The following PCED1B variants were observed in gnomAD, a reference collection of about 807,000 sequenced individuals.
The protein encoded by PCED1B is PC-esterase domain-containing protein 1B.
For missense variants in PCED1B, 573 were observed against 573.9 expected (o/e 1.00, Z 0.02); for synonymous variants, 251 against 246.1 (o/e 1.02, Z -0.19).
intron 3 of PCED1B, among the ~76,000 whole-genome samples, chr12:47,218,574 C>T (rs987121827): frequency 7.2e-5 from 11 of 152,180 alleles, no homozygotes; most frequent in Non-Finnish European, 1.3e-4. Context: ...GCCACAAACT[C>T]CTGGGTGCAA....
chr12:47,232,047 C>G (rs77670872), intron 3 of PCED1B, among the ~76,000 whole-genome samples: 2,552 of 152,252 alleles, frequency 0.017, 43 homozygotes, highest in South Asian at 0.028. Context: ...GCTTTTAGAG[C>G]GCAAGACCAT....
At position 47,204,591 on chromosome 12, in the gene PCED1B, G is replaced by A. The variant is rs111424169; in HGVS notation, c.-525-11631G>A. On this transcript the variant is annotated intron_variant, in intron 2 of 3. Coordinates refer to ENST00000546455, the MANE Select transcript of PCED1B (RefSeq NM_138371.3). ...CAGCCATTTAACTTTGCAACTCCTG[G>A]TCTCACTCACAGATCTCTGGGTGTT... Among the ~76,000 whole-genome samples, 38 of 152,146 alleles carry A rather than the reference G, an allele frequency of 2.5e-4. 1 individual carries two copies. Among genetic ancestry groups the A allele is most frequent in the African/African-American group, 7.2e-4 (30 of 41,516 alleles).
chr12:47,214,007 T>G lies in PCED1B; in HGVS notation c.-525-2215T>G, dbSNP rs995441088. On this transcript the variant is annotated intron_variant, in intron 2 of 3. Coordinates refer to ENST00000546455, the MANE Select transcript of PCED1B (RefSeq NM_138371.3). ...ACAGACTAGCTGAAATCTACAGAAC[T>G]AGAAAGATTTGCAATTCATTTATAG... Among the ~76,000 whole-genome samples, 3 of 152,236 alleles carry G rather than the reference T, an allele frequency of 2.0e-5. No homozygotes were observed. In the East Asian group the frequency reaches 5.8e-4, roughly 29 times the overall value.
At chr12:47,227,503 C>G (rs1486456321) in intron 3 of PCED1B, among the ~76,000 whole-genome samples, 1 of 151,952 alleles carries the variant, frequency 6.6e-6, no homozygotes, top group Non-Finnish European at 1.5e-5. Context: ...AATGCTTCTT[C>G]CCAGTCATTT....
rs757872281 is a variant in PCED1B, at chr12:47,216,301, T to G, written c.-446T>G. On this transcript the variant is annotated 5_prime_UTR_variant, in exon 3 of 4. Coordinates refer to ENST00000546455, the MANE Select transcript of PCED1B (RefSeq NM_138371.3). ...AATCAAAGGAAGAGTCAAAATAAGCTACACCCAGATTACTGAGAAAGGTGA... is the reference window on the plus strand; with the variant it reads ...AATCAAAGGAAGAGTCAAAATAAGCGACACCCAGATTACTGAGAAAGGTGA... The G allele has an allele frequency of 6.6e-6, 1 of 152,168 alleles. No homozygotes were observed. The highest frequency in any genetic ancestry group is 1.9e-4 in the East Asian group (1 of 5,204). The allele number at this position is 152,168 out of a possible 1,614,324, so 9.4% of individuals were successfully genotyped here.
chr12:47,123,358 A>G (rs970642616), intron 2 of PCED1B, among the ~76,000 whole-genome samples: 4 of 152,174 alleles, frequency 2.6e-5, no homozygotes, highest in South Asian at 2.1e-4. Context: ...ATAGCCTCAT[A>G]TAACTCCAAC....
chr12:47,136,872 T>C (rs904728716), intron 2 of PCED1B, among the ~76,000 whole-genome samples: 11 of 152,238 alleles, frequency 7.2e-5, no homozygotes, highest in Non-Finnish European at 1.3e-4. Context: ...AAGGCCATTA[T>C]GATGAGAGTC....
At chr12:47,115,195 C>T (rs983006990) in intron 2 of PCED1B, among the ~76,000 whole-genome samples, 4 of 152,058 alleles carry the variant, frequency 2.6e-5, no homozygotes, top group Non-Finnish European at 4.4e-5. Context: ...TGAGTTAGGC[C>T]TAATTTTCAA....
At chr12:47,167,506 T>G (rs1457726312) in intron 2 of PCED1B, among the ~76,000 whole-genome samples, 1 of 152,160 alleles carries the variant, frequency 6.6e-6, no homozygotes, top group Non-Finnish European at 1.5e-5. Context: ...ACCAGAGTTG[T>G]CAGGGGAAAG....
intron 2 of PCED1B, among the ~76,000 whole-genome samples, chr12:47,161,262 T>C (rs1016454576): frequency 2.0e-5 from 3 of 152,246 alleles, no homozygotes; most frequent in Non-Finnish European, 4.4e-5. Context: ...CGACATATGG[T>C]GTCAGAAAAC....
intron 2 of PCED1B, among the ~76,000 whole-genome samples, chr12:47,115,782 T>C (rs1350519790): frequency 1.3e-5 from 2 of 152,198 alleles, no homozygotes; most frequent in African/African-American, 2.4e-5. Context: ...TTAACATGTC[T>C]TACATCTTCC....
At position 47,137,329 on chromosome 12, in the gene PCED1B, A is replaced by G. The variant is rs757066159; in HGVS notation, c.-526+33134A>G. On this transcript the variant is annotated intron_variant, in intron 2 of 3. Transcript: ENST00000546455. ...AAATATGTCTTCAAATATAGATGTG[A>G]TTAGAGTGGAATCATCAACAAATCC... Among the ~76,000 whole-genome samples, 5 of 152,334 alleles carry G rather than the reference A, an allele frequency of 3.3e-5. No individual in the cohort carries two copies. In the East Asian group the frequency reaches 9.6e-4, roughly 29 times the overall value.
Position 47,236,127 on chromosome 12 carries a change from G to T in PCED1B, c.1064G>T (p.Cys355Phe). ...DHTFQSDQFY[C>F]HSDVPSSAHA... is the part of the protein sequence containing the mutation. Reference sequence around the variant, plus strand: ...ACTTTCCAGTCGGATCAATTCTATTGCCATTCAGATGTCCCCTCATCAGCC... The same window carrying T: ...ACTTTCCAGTCGGATCAATTCTATTTCCATTCAGATGTCCCCTCATCAGCC... Residue 355 changes from cysteine (C) to phenylalanine (F), a missense_variant, in exon 4 of 4, where the codon TGC (cysteine) becomes TTC (phenylalanine). Transcript: ENST00000546455. 2 of 1,614,090 alleles carry T rather than the reference G, an allele frequency of 1.2e-6. No homozygotes were observed. The highest frequency in any genetic ancestry group is 8.5e-7 in the Non-Finnish European group (1 of 1,180,020).
chr12:47,223,232 G>C (rs1420083975), intron 3 of PCED1B, among the ~76,000 whole-genome samples: 3 of 152,106 alleles, frequency 2.0e-5, no homozygotes, highest in Non-Finnish European at 2.9e-5. Context: ...TTGAGGGCTG[G>C]GTTTCTCAGA....
At chr12:47,174,278 G>T (rs576289364) in intron 2 of PCED1B, among the ~76,000 whole-genome samples, 1 of 151,988 alleles carries the variant, frequency 6.6e-6, no homozygotes, top group South Asian at 2.1e-4. Context: ...GCATGGTGGC[G>T]CATGCTTGTA....
chr12:47,080,052 ACCGCCCCGCGGCCT>A (rs1287116894), intron 1 of PCED1B: 1 of 152,122 alleles, frequency 6.6e-6, no homozygotes, highest in Non-Finnish European at 1.5e-5. Context: ...GCCCCCTCAT[ACCGCCCCGCGGCCT>A]CGCCGCCTCC....
At chr12:47,219,609 A>G (rs925573000) in intron 3 of PCED1B, among the ~76,000 whole-genome samples, 3 of 152,250 alleles carry the variant, frequency 2.0e-5, no homozygotes, top group African/African-American at 7.2e-5. Context: ...TTAGTGCAGC[A>G]CTGGGTTTTC....
At chr12:47,117,350 C>T (rs1469603398) in intron 2 of PCED1B, among the ~76,000 whole-genome samples, 1 of 152,068 alleles carries the variant, frequency 6.6e-6, no homozygotes, top group Non-Finnish European at 1.5e-5. Context: ...CTCCCCCCTA[C>T]CTCCACCCCA....
intron 2 of PCED1B, among the ~76,000 whole-genome samples, chr12:47,183,889 C>A (rs536476637): frequency 2.0e-5 from 3 of 152,140 alleles, no homozygotes; most frequent in Non-Finnish European, 4.4e-5. Flanking sequence ...AGACAAGGGC[C>A]CCCGCACCAG....
Sources: allele counts gnomAD v4.1 joint callset (sites outside exome capture counted in the v4.1 genomes callset), GRCh38; gene constraint gnomAD v4.1.1; transcripts MANE v1.5; gene names NCBI Gene and HGNC (gene_info 2026-07-23, HGNC 2026-07-21).